The following AKAP6 variants were observed in gnomAD, a reference collection of about 807,000 sequenced individuals.
The protein encoded by AKAP6 is A-kinase anchoring protein 6, also known as A-kinase anchor protein 6.
A neutral mutation model predicts 188.5 loss-of-function variants in AKAP6; 58 were observed. That is an observed-to-expected ratio of 0.31 (90% CI 0.25 to 0.38). The LOEUF (loss-of-function observed/expected upper bound fraction) is 0.38, where lower values mean the gene tolerates loss of function less well. Among genes scored for constraint, AKAP6 ranks in the 10% least tolerant of loss-of-function variants. The probability of loss-of-function intolerance (pLI) is 1.00; values close to 1 mark genes in which losing one functional copy is unlikely to be tolerated. For missense variants in AKAP6, 2,710 were observed against 2,740.0 expected (o/e 0.99, Z 0.24); for synonymous variants, 989 against 998.6 (o/e 0.99, Z 0.18).
chr14:32,443,582 A>G (rs1890661886), intron 2 of AKAP6, among the ~76,000 whole-genome samples: 1 of 152,202 alleles, frequency 6.6e-6, no homozygotes, highest in Non-Finnish European at 1.5e-5. Context: ...GCTTCAGAGC[A>G]GAGGGCTTTT....
At chr14:32,690,930 T>A (rs1290342877) in intron 8 of AKAP6, among the ~76,000 whole-genome samples, 2 of 152,192 alleles carry the variant, frequency 1.3e-5, no homozygotes, top group Non-Finnish European at 2.9e-5. Flanking sequence ...TATAACACTT[T>A]CATAGAGTAT....
intron 2 of AKAP6, among the ~76,000 whole-genome samples, chr14:32,507,541 GTT>G (rs201941553): frequency 3.4e-5 from 5 of 148,182 alleles, no homozygotes; most frequent in East Asian, 2.0e-4. Flanking sequence ...CATTGTGGTG[GTT>G]TTTTTTTTTT....
chr14:32,426,741 T>C (rs1890044713), intron 1 of AKAP6, among the ~76,000 whole-genome samples: 1 of 152,130 alleles, frequency 6.6e-6, no homozygotes. Context: ...AATGAATCTC[T>C]CTGTGACAGG....
intron 12 of AKAP6, among the ~76,000 whole-genome samples, chr14:32,810,399 G>A (rs377389834): frequency 1.3e-5 from 2 of 152,186 alleles, no homozygotes; most frequent in Non-Finnish European, 1.5e-5. Context: ...TCAAGAGCCC[G>A]TGTAAGAGCC....
At chr14:32,614,675 A>G (rs4981992) in intron 7 of AKAP6, among the ~76,000 whole-genome samples, 92,501 of 151,794 alleles carry the variant, frequency 0.61, 28,821 homozygotes, top group East Asian at 0.94. Flanking sequence ...TAACAGCATC[A>G]CCTGTTTTGT....
At chr14:32,504,668 A>G (rs1004375478) in intron 2 of AKAP6, among the ~76,000 whole-genome samples, 6 of 152,184 alleles carry the variant, frequency 3.9e-5, no homozygotes, top group Non-Finnish European at 5.9e-5. Flanking sequence ...TTTCCCAAAT[A>G]TACAATCATA....
chr14:32,535,365 G>A (rs1164910517), intron 2 of AKAP6, among the ~76,000 whole-genome samples, 189 bp from the exon 3 acceptor site: 2 of 152,182 alleles, frequency 1.3e-5, no homozygotes, highest in African/African-American at 4.8e-5. Flanking sequence ...CTAAATGACC[G>A]AAGGCCCAGT....
chr14:32,691,305 T>C (rs1362095639), intron 8 of AKAP6, among the ~76,000 whole-genome samples: 1 of 152,144 alleles, frequency 6.6e-6, no homozygotes, highest in South Asian at 2.1e-4. Flanking sequence ...GTTAACTAGT[T>C]CTCCCCTACC....
chr14:32,438,063 A>G (rs1180553322), intron 2 of AKAP6, among the ~76,000 whole-genome samples: 1 of 152,204 alleles, frequency 6.6e-6, no homozygotes, highest in East Asian at 1.9e-4. Context: ...GTCCAAGCCT[A>G]TGTGGTCAGT....
chr14:32,591,471 C>CAAAA (rs71432067), intron 5 of AKAP6, among the ~76,000 whole-genome samples: 2 of 128,510 alleles, frequency 1.6e-5, no homozygotes, highest in Non-Finnish European at 3.3e-5. Flanking sequence ...TACTTTGCAC[C>CAAAA]AAAAAAAAAA....
intron 1 of AKAP6, among the ~76,000 whole-genome samples, chr14:32,425,025 T>C (rs1328482231): frequency 2.0e-5 from 3 of 152,142 alleles, no homozygotes; most frequent in Non-Finnish European, 4.4e-5. Context: ...GATTGCTGGG[T>C]CAAATAGTAT....
intron 9 of AKAP6, among the ~76,000 whole-genome samples, chr14:32,698,591 A>G (rs1890500416): frequency 1.3e-5 from 2 of 152,008 alleles, no homozygotes; most frequent in African/African-American, 2.4e-5. Context: ...TTTACTCTTC[A>G]TGTTCCCCAC....
intron 9 of AKAP6, among the ~76,000 whole-genome samples, chr14:32,701,938 C>T (rs746391022): frequency 3.3e-5 from 5 of 151,954 alleles, no homozygotes; most frequent in Non-Finnish European, 7.4e-5. Context: ...TGGTGGTGTA[C>T]AGAATAGAAG....
intron 2 of AKAP6, among the ~76,000 whole-genome samples, chr14:32,462,901 CAAAA>C (rs71143943): frequency 2.3e-4 from 2 of 8,834 alleles, no homozygotes; most frequent in Non-Finnish European, 4.3e-4. Context: ...AAATGGAAAG[CAAAA>C]AAAAAAAAAA....
At chr14:32,344,763 A>G (rs1260680192) in intron 1 of AKAP6, among the ~76,000 whole-genome samples, 2 of 152,086 alleles carry the variant, frequency 1.3e-5, no homozygotes, top group African/African-American at 4.8e-5. Flanking sequence ...TAAAAATACA[A>G]AAATTAGCTG....
At chr14:32,454,492 C>T (rs539541044) in intron 2 of AKAP6, among the ~76,000 whole-genome samples, 1 of 152,312 alleles carries the variant, frequency 6.6e-6, no homozygotes, top group South Asian at 2.1e-4. Flanking sequence ...GCTTTACATG[C>T]AAAGCAGTAG....
At chr14:32,586,555 A>AGGCAGAGGT (rs1212505703) in intron 5 of AKAP6, among the ~76,000 whole-genome samples, 1 of 152,192 alleles carries the variant, frequency 6.6e-6, no homozygotes, top group Non-Finnish European at 1.5e-5. Flanking sequence ...TGAACCCGGA[A>AGGCAGAGGT]GGCAGAGGTT....
At chr14:32,694,953 A>T (rs554406814) in intron 8 of AKAP6, among the ~76,000 whole-genome samples, 1 of 152,176 alleles carries the variant, frequency 6.6e-6, no homozygotes, top group African/African-American at 2.4e-5. Flanking sequence ...ACAAGACTGT[A>T]GGATTTCTTT....
chr14:32,406,203 T>TTTTG (rs995901074), intron 1 of AKAP6, among the ~76,000 whole-genome samples: 3 of 152,196 alleles, frequency 2.0e-5, no homozygotes, highest in Non-Finnish European at 2.9e-5. Context: ...GAATACAATT[T>TTTTG]TTTGTTTGTT....
Sources: allele counts gnomAD v4.1 joint callset (sites outside exome capture counted in the v4.1 genomes callset), GRCh38; gene constraint gnomAD v4.1.1; transcripts MANE v1.5; gene names NCBI Gene and HGNC (gene_info 2026-07-23, HGNC 2026-07-21).